Variants in ESRRG observed in about 807,000 individuals in gnomAD.
The protein encoded by ESRRG is estrogen related receptor gamma.
ESRRG carries 13 observed loss-of-function variants against 44.0 expected under a neutral mutation model. The ratio of observed to expected loss-of-function variants is 0.30; its 90% CI spans 0.19 to 0.47. ESRRG has a LOEUF of 0.47. Ranked by LOEUF, ESRRG falls within the 20% of genes least tolerant of loss-of-function variation. The probability of loss-of-function intolerance (pLI) is 1.00; values close to 1 mark genes in which losing one functional copy is unlikely to be tolerated. For synonymous variants in ESRRG, 215 were observed against 214.6 expected (o/e 1.00, Z -0.02); for missense variants, 395 against 580.6 (o/e 0.68, Z 3.29).
intron 1 of ESRRG, among the ~76,000 whole-genome samples, chr1:217,128,186 ATAAC>A (rs1226757569): frequency 2.0e-5 from 3 of 152,244 alleles, no homozygotes; most frequent in Admixed American, 6.5e-5. Context: ...TTCTTACTCA[ATAAC>A]TAACTAATTA....
intron 5 of ESRRG, among the ~76,000 whole-genome samples, chr1:216,562,599 C>A (rs1470335942): frequency 6.6e-6 from 1 of 151,970 alleles, no homozygotes; most frequent in Non-Finnish European, 1.5e-5. Flanking sequence ...TGGGTAGAGG[C>A]CATGGGTGCC....
chr1:216,835,437 G>A (rs2095549208), intron 2 of ESRRG, among the ~76,000 whole-genome samples: 1 of 152,212 alleles, frequency 6.6e-6, no homozygotes, highest in African/African-American at 2.4e-5. Context: ...GTGTATGAGT[G>A]GTTGACACTG....
At chr1:216,922,918 G>A (rs1020159007) in intron 2 of ESRRG, among the ~76,000 whole-genome samples, 5 of 151,994 alleles carry the variant, frequency 3.3e-5, no homozygotes, top group African/African-American at 9.7e-5. Flanking sequence ...ACCCTTTCAC[G>A]CCTGCACACT....
intron 1 of ESRRG, among the ~76,000 whole-genome samples, chr1:216,993,241 CT>C (rs929256832): frequency 6.6e-6 from 1 of 152,174 alleles, no homozygotes; most frequent in Non-Finnish European, 1.5e-5. Flanking sequence ...GTCTCATACT[CT>C]TCCTGGTACC....
intron 2 of ESRRG, among the ~76,000 whole-genome samples, chr1:216,806,312 G>C (rs1239674046): frequency 6.6e-6 from 1 of 152,138 alleles, no homozygotes; most frequent in East Asian, 1.9e-4. Context: ...CTGGCTTTTT[G>C]ATGTAATTTC....
intron 2 of ESRRG, among the ~76,000 whole-genome samples, chr1:216,896,452 A>G (rs1178777439): frequency 1.3e-5 from 2 of 152,216 alleles, no homozygotes; most frequent in African/African-American, 2.4e-5. Flanking sequence ...CACCAGTACT[A>G]GAACACCAAC....
chr1:216,858,983 G>A lies in ESRRG; in HGVS notation c.-14+80599C>T, dbSNP rs1032281859. 1.8e-4 allele frequency among the ~76,000 whole-genome samples: 28 copies of A among 152,158 alleles called. No individual in the cohort carries two copies. In the East Asian group the frequency reaches 1.9e-3, roughly 10 times the overall value. On this transcript the variant is annotated intron_variant, in intron 2 of 7. Coordinates refer to the ESRRG transcript ENST00000359162. ...GCATCTGTAAAATACAGGGGTTTTT[G>A]TGAGAATCAAATAAGTCCATGTATA...
At chr1:217,110,718 C>G (rs1277250206) in intron 1 of ESRRG, among the ~76,000 whole-genome samples, 1 of 152,136 alleles carries the variant, frequency 6.6e-6, no homozygotes, top group Non-Finnish European at 1.5e-5. Flanking sequence ...ATAGCACCAA[C>G]GCATGAGGGA....
intron 2 of ESRRG, among the ~76,000 whole-genome samples, chr1:216,908,712 T>C (rs186702278): frequency 5.3e-5 from 8 of 152,112 alleles, no homozygotes; most frequent in Admixed American, 3.9e-4. Flanking sequence ...AACTAAAATA[T>C]TGGGCAAAAC....
intron 6 of ESRRG, among the ~76,000 whole-genome samples, chr1:216,517,760 C>A (rs2044779538): frequency 1.3e-5 from 2 of 152,068 alleles, no homozygotes; most frequent in Admixed American, 1.3e-4. Flanking sequence ...GCAGGGGATT[C>A]TTCAGGGTTC....
intron 5 of ESRRG, among the ~76,000 whole-genome samples, chr1:216,547,636 G>A (rs1284795024): frequency 1.3e-5 from 2 of 152,032 alleles, no homozygotes; most frequent in Non-Finnish European, 2.9e-5. Flanking sequence ...CAAGCTGAAA[G>A]CCAGGTGATT....
At position 216,754,896 on chromosome 1, in the gene ESRRG, T is replaced by C. The variant is rs1192221931; in HGVS notation, c.-13-77405A>G. On this transcript the variant is annotated intron_variant, in intron 2 of 7. Transcript: ENST00000359162. ...ACTGACTACACAGATGGGGAATGCA[T>C]CCATCCATTCATTCAACAAATATTT... 2.6e-5 allele frequency among the ~76,000 whole-genome samples: 4 copies of C among 151,834 alleles called. No individual in the cohort carries two copies. The East Asian group carries it at 7.8e-4, about 30-fold the overall frequency.
chr1:216,777,125 G>A lies in ESRRG; in HGVS notation c.-13-99634C>T, dbSNP rs570183205. Among the ~76,000 whole-genome samples, 24 of 152,226 alleles carry A rather than the reference G, an allele frequency of 1.6e-4. No individual in the cohort carries two copies. In the South Asian group the frequency reaches 4.8e-3, roughly 30 times the overall value. ...TCACAGATGGGGCTTGCCTACCCAG[G>A]CTGTAGTCAGCAGTGACATATTTTG... On this transcript the variant is annotated intron_variant, in intron 2 of 7. Coordinates refer to the ESRRG transcript ENST00000359162.
At chr1:216,953,967 T>C (rs2067457278) in intron 1 of ESRRG, among the ~76,000 whole-genome samples, 2 of 152,090 alleles carry the variant, frequency 1.3e-5, no homozygotes, top group African/African-American at 4.8e-5. Context: ...AAAAAACCTA[T>C]GCAAAATCAA....
chr1:216,884,565 A>G (rs2096491390), intron 2 of ESRRG, among the ~76,000 whole-genome samples: 2 of 152,222 alleles, frequency 1.3e-5, no homozygotes, highest in African/African-American at 4.8e-5. Flanking sequence ...AGGCCTTCAA[A>G]ACTTCTCATT....
intron 2 of ESRRG, among the ~76,000 whole-genome samples, chr1:216,815,629 G>A (rs1481100621): frequency 6.6e-6 from 1 of 152,150 alleles, no homozygotes; most frequent in Non-Finnish European, 1.5e-5. Context: ...ACATACTGCA[G>A]TTGCGACACA....
At chr1:216,832,948 C>T (rs2095509078) in intron 2 of ESRRG, among the ~76,000 whole-genome samples, 1 of 151,090 alleles carries the variant, frequency 6.6e-6, no homozygotes, top group Non-Finnish European at 1.5e-5. Flanking sequence ...ACACTCCAGC[C>T]TGGGCGACAG....
chr1:216,938,464 G>A (rs980535133), intron 2 of ESRRG, among the ~76,000 whole-genome samples: 3 of 152,070 alleles, frequency 2.0e-5, no homozygotes, highest in African/African-American at 4.8e-5. Context: ...AAGAGAGAAC[G>A]CCAAATTCAT....
chr1:216,751,320 A>G (rs2091983988), intron 2 of ESRRG, among the ~76,000 whole-genome samples: 1 of 152,162 alleles, frequency 6.6e-6, no homozygotes, highest in Non-Finnish European at 1.5e-5. Flanking sequence ...GTCACAGCAA[A>G]AGAGATGAAG....
Sources: gnomAD v4.1 joint callset for allele counts (sites outside exome capture counted in the v4.1 genomes callset) on GRCh38, gnomAD v4.1.1 for gene constraint, MANE v1.5 for transcripts, NCBI Gene and HGNC (gene_info 2026-07-23, HGNC 2026-07-21) for gene names.